Variants in GALNT14 observed in about 807,000 individuals in gnomAD.
GALNT14 encodes the protein polypeptide N-acetylgalactosaminyltransferase 14, also known as UDP-GalNAc:polypeptide N-acetylgalactosaminyltransferase 14.
Under a neutral mutation model 77.5 loss-of-function variants are expected in GALNT14, and 60 were observed. That is an observed-to-expected ratio of 0.77 (90% confidence interval 0.63 to 0.96). The LOEUF (loss-of-function observed/expected upper bound fraction) is 0.96, where lower values mean the gene tolerates loss of function less well. Ranked by LOEUF, GALNT14 falls within the 40% of genes least tolerant of loss-of-function variation. GALNT14 has a pLI of 0.00. For synonymous variants in GALNT14, 280 were observed against 281.7 expected (o/e 0.99, Z 0.06); for missense variants, 710 against 731.0 (o/e 0.97, Z 0.33).
intron 10 of GALNT14, among the ~76,000 whole-genome samples, chr2:30,930,911 C>T (rs1404670734): frequency 1.3e-5 from 2 of 152,256 alleles, no homozygotes; most frequent in Admixed American, 1.3e-4. Context: ...AGGATGCCCA[C>T]TGGCCAGGGC....
At chr2:31,123,399 A>G (rs1485375020) in intron 1 of GALNT14, among the ~76,000 whole-genome samples, 1 of 152,066 alleles carries the variant, frequency 6.6e-6, no homozygotes, top group Non-Finnish European at 1.5e-5. Flanking sequence ...GGTGCCCAAA[A>G]CGTATAGAAC....
At chr2:30,897,948 A>C in the GALNT14 span, among the ~76,000 whole-genome samples, 1 of 152,180 alleles carries the variant, frequency 6.6e-6, no homozygotes, top group South Asian at 2.1e-4. Context: ...GGGGAGTCTC[A>C]GCCTGGCCTC....
chr2:30,982,237 A>C (rs1160387460), intron 2 of GALNT14, among the ~76,000 whole-genome samples: 1 of 152,220 alleles, frequency 6.6e-6, no homozygotes, highest in African/African-American at 2.4e-5. Context: ...GTGATTGATA[A>C]TGAGGACTTG....
At chr2:30,913,344 G>A (rs1485500144) in intron 13 of GALNT14, among the ~76,000 whole-genome samples, 1 of 152,108 alleles carries the variant, frequency 6.6e-6, no homozygotes, top group Non-Finnish European at 1.5e-5. Flanking sequence ...GAAACAAGTT[G>A]ACCCTGAGCC....
intron 1 of GALNT14, chr2:31,125,094 C>T: frequency 1.6e-6 from 2 of 1,214,030 alleles, no homozygotes; most frequent in Non-Finnish European, 2.4e-6. Flanking sequence ...GTACCCAGGG[C>T]CTGCTTGGGC....
chr2:31,113,480 A>G (rs1677941127), intron 1 of GALNT14, among the ~76,000 whole-genome samples: 1 of 152,116 alleles, frequency 6.6e-6, no homozygotes, highest in Non-Finnish European at 1.5e-5. Flanking sequence ...GAATGTTCTG[A>G]GGGGATCTCC....
At chr2:30,981,987 A>T (rs1670013195) in intron 2 of GALNT14, among the ~76,000 whole-genome samples, 2 of 152,202 alleles carry the variant, frequency 1.3e-5, no homozygotes, top group Admixed American at 1.3e-4. Flanking sequence ...TATCCAGAAG[A>T]AAGGCAGGTT....
At chr2:30,948,015 A>G (rs2148296223) in intron 6 of GALNT14, among the ~76,000 whole-genome samples, 1 of 152,332 alleles carries the variant, frequency 6.6e-6, no homozygotes, top group South Asian at 2.1e-4. Flanking sequence ...GGCCACTGTC[A>G]TTGTGTGTCT....
the GALNT14 span, among the ~76,000 whole-genome samples, chr2:30,898,182 AG>A: frequency 6.6e-6 from 1 of 152,192 alleles, no homozygotes; most frequent in Non-Finnish European, 1.5e-5. Context: ...GTGAGGACAC[AG>A]GGAGAAAGTG....
the GALNT14 span, among the ~76,000 whole-genome samples, chr2:30,889,747 G>C: frequency 2.2e-4 from 34 of 152,260 alleles, no homozygotes; most frequent in East Asian, 1.9e-4. Context: ...TGTAAACCTA[G>C]ATTTTCATGT....
rs545021996 is a variant in GALNT14 at position 30,936,136 on chromosome 2, C to G, written c.932-3942G>C. On this transcript the variant is annotated intron_variant, in intron 9 of 14. Transcript: ENST00000349752. ...CTGTTATAATCTTACTTTCTTTAAA[C>G]GTCAGGTAAATATTTGAGAGCGAAT... 1.2e-4 allele frequency among the ~76,000 whole-genome samples: 18 copies of G among 152,218 alleles called. No individual in the cohort carries two copies. In the East Asian group the frequency reaches 2.7e-3, roughly 23 times the overall value.
At chr2:31,013,949 A>C (rs1671190563) in intron 1 of GALNT14, among the ~76,000 whole-genome samples, 1 of 152,230 alleles carries the variant, frequency 6.6e-6, no homozygotes, top group Non-Finnish European at 1.5e-5. Context: ...CAATGGCTTT[A>C]AGTTTCTGTC....
At chr2:30,942,792 CT>C (rs903509808) in intron 8 of GALNT14, among the ~76,000 whole-genome samples, 21 of 151,978 alleles carry the variant, frequency 1.4e-4, no homozygotes, top group Non-Finnish European at 1.6e-4. Context: ...GCTCTCTCTC[CT>C]TTTTTTTCCC....
intron 1 of GALNT14, among the ~76,000 whole-genome samples, chr2:31,120,155 C>CAA (rs753835346): frequency 1.5e-3 from 103 of 66,596 alleles, no homozygotes; most frequent in East Asian, 5.6e-3. Flanking sequence ...GACTCCGTCT[C>CAA]AAAAAAAAAA....
the GALNT14 span, among the ~76,000 whole-genome samples, chr2:30,902,351 G>A: frequency 6.6e-6 from 1 of 152,198 alleles, no homozygotes. Flanking sequence ...CACCATCAGA[G>A]TTTTGAACCT....
At chr2:31,041,007 A>G (rs151336114) in intron 1 of GALNT14, among the ~76,000 whole-genome samples, 9 of 152,336 alleles carry the variant, frequency 5.9e-5, no homozygotes, top group African/African-American at 1.9e-4. Context: ...CTAGCACAAT[A>G]GACACCATCT....
At chr2:30,905,625 G>A (rs1257285266), downstream of GALNT14, among the ~76,000 whole-genome samples, 25 of 151,878 alleles carry the variant, frequency 1.6e-4, no homozygotes, top group Admixed American at 1.6e-3. Context: ...GAACCAAGTT[G>A]GAAAACACTC....
the GALNT14 span, among the ~76,000 whole-genome samples, chr2:30,887,353 T>C: frequency 6.6e-6 from 1 of 152,352 alleles, no homozygotes; most frequent in South Asian, 2.1e-4. Context: ...TGTAACGGTT[T>C]CAATTTCTTC....
intron 1 of GALNT14, among the ~76,000 whole-genome samples, chr2:31,023,692 T>C (rs1671870905): frequency 6.6e-6 from 1 of 152,118 alleles, no homozygotes; most frequent in Non-Finnish European, 1.5e-5. Context: ...CTGCTTGATC[T>C]AGCAGCATCC....
Sources: allele counts gnomAD v4.1 joint callset (sites outside exome capture counted in the v4.1 genomes callset), GRCh38; gene constraint gnomAD v4.1.1; transcripts MANE v1.5; gene names NCBI Gene and HGNC (gene_info 2026-07-23, HGNC 2026-07-21).